STPG2: variants seen among roughly 807,000 people sequenced by gnomAD.
STPG2 encodes sperm-tail PG-rich repeat-containing protein 2.
In STPG2, 56 loss-of-function variants were observed where a neutral mutation model predicts 54.2. The observed-to-expected ratio is 1.03, with a 90% CI of 0.83 to 1.29. The LOEUF (loss-of-function observed/expected upper bound fraction) is 1.29. STPG2 is among the 50% of genes most tolerant of loss of function. STPG2 has a pLI of 0.00. For synonymous variants in STPG2, 200 were observed against 181.8 expected (o/e 1.10, Z -0.81); for missense variants, 596 against 544.9 (o/e 1.09, Z -0.93).
In STPG2 at chr4:97,686,935, A is replaced by AT. The variant is rs1222690039; in HGVS notation, c.1320+25763dup. 5.0e-3 allele frequency among the ~76,000 whole-genome samples: 743 copies of AT among 148,690 alleles called. 7 individuals carry two copies. Among genetic ancestry groups the AT allele is most frequent in the African/African-American group, 0.018 (723 of 40,222 alleles). ...TTTTATTTTACTAATTATTATTATTATTATTATTTTTTTTTTTGAGAGAGA... is the reference window on the plus strand; with the variant it reads ...TTTTATTTTACTAATTATTATTATTATTTATTATTTTTTTTTTTGAGAGAGA... On this transcript the variant is annotated intron_variant, in intron 10 of 10. Coordinates refer to ENST00000295268, the MANE Select transcript of STPG2 (RefSeq NM_174952.3).
At chr4:97,725,137 G>T (rs939076582) in intron 9 of STPG2, among the ~76,000 whole-genome samples, 1 of 152,052 alleles carries the variant, frequency 6.6e-6, no homozygotes, top group Non-Finnish European at 1.5e-5. Flanking sequence ...TATGATAGTG[G>T]GAAGGCAGTC....
intron 8 of STPG2, among the ~76,000 whole-genome samples, chr4:97,867,759 G>A (rs1321814529): frequency 1.3e-5 from 2 of 151,888 alleles, no homozygotes; most frequent in African/African-American, 2.4e-5. Flanking sequence ...CTTAACATGT[G>A]GTTGATTCTC....
chr4:97,889,506 A>C (rs1045798487), intron 8 of STPG2, among the ~76,000 whole-genome samples: 1 of 152,218 alleles, frequency 6.6e-6, no homozygotes, highest in Non-Finnish European at 1.5e-5. Context: ...AAACCCTTCT[A>C]TTCACAGAAA....
intron 10 of STPG2, among the ~76,000 whole-genome samples, chr4:97,642,494 G>A (rs893189565): frequency 6.6e-6 from 1 of 151,280 alleles, no homozygotes; most frequent in Admixed American, 6.6e-5. Context: ...TAACAAATCT[G>A]ATAGAAATAT....
At chr4:97,944,734 C>A (rs1385220585) in intron 7 of STPG2, among the ~76,000 whole-genome samples, 2 of 152,046 alleles carry the variant, frequency 1.3e-5, no homozygotes, top group Non-Finnish European at 2.9e-5. Flanking sequence ...CACATAGTAG[C>A]TAATAGACAT....
chr4:97,635,987 G>T (rs1296080347), intron 10 of STPG2, among the ~76,000 whole-genome samples: 2 of 152,002 alleles, frequency 1.3e-5, no homozygotes, highest in African/African-American at 4.8e-5. Flanking sequence ...TGCACCAAGT[G>T]GACCTAATAG....
At chr4:97,834,256 G>A (rs148589595) in intron 9 of STPG2, among the ~76,000 whole-genome samples, 2 of 152,042 alleles carry the variant, frequency 1.3e-5, no homozygotes, top group Admixed American at 6.6e-5. Flanking sequence ...ACTAACACAC[G>A]AACTGAAAAC....
chr4:97,904,156 A>C (rs993430893), intron 8 of STPG2, among the ~76,000 whole-genome samples: 28 of 152,214 alleles, frequency 1.8e-4, no homozygotes, highest in Admixed American at 3.3e-4. Context: ...AGGGCACAGA[A>C]AAACAAAAAG....
intron 4 of STPG2, among the ~76,000 whole-genome samples, chr4:97,455,497 G>A (rs1479276527): frequency 6.6e-6 from 1 of 152,128 alleles, no homozygotes; most frequent in Admixed American, 6.5e-5. Flanking sequence ...ACCAATGGAA[G>A]AACATGGAGT....
chr4:97,464,724 CATGTCACCATATAAT>C (rs1034352630), intron 4 of STPG2, among the ~76,000 whole-genome samples: 3 of 152,102 alleles, frequency 2.0e-5, no homozygotes, highest in Non-Finnish European at 4.4e-5. Context: ...TTGCCTGGTA[CATGTCACCATATAAT>C]AGTAGGGATA....
chr4:97,934,748 T>C (rs972492744), intron 8 of STPG2, among the ~76,000 whole-genome samples: 8 of 151,854 alleles, frequency 5.3e-5, no homozygotes, highest in Non-Finnish European at 8.8e-5. Flanking sequence ...ATGTGCTGGT[T>C]TTGGTTTGCC....
chr4:97,631,042 A>G (rs948803982), intron 10 of STPG2, among the ~76,000 whole-genome samples: 5 of 151,948 alleles, frequency 3.3e-5, no homozygotes, highest in Non-Finnish European at 1.5e-5. Flanking sequence ...TCTGAAAATG[A>G]TAACAAGACA....
At chr4:97,583,533 C>T (rs1732916066) in intron 10 of STPG2, among the ~76,000 whole-genome samples, 2 of 132,012 alleles carry the variant, frequency 1.5e-5, no homozygotes, top group Non-Finnish European at 3.2e-5. Context: ...AGTGTAATCA[C>T]TGCTTCTCAT....
At chr4:97,863,135 T>TA (rs1011949686) in intron 8 of STPG2, among the ~76,000 whole-genome samples, 10 of 151,978 alleles carry the variant, frequency 6.6e-5, no homozygotes, top group South Asian at 4.2e-4. Context: ...AAAAAACCCT[T>TA]AAAAAAATCA....
At chr4:97,688,459 C>A (rs770073035) in intron 10 of STPG2, among the ~76,000 whole-genome samples, 2 of 152,070 alleles carry the variant, frequency 1.3e-5, no homozygotes, top group Non-Finnish European at 2.9e-5. Flanking sequence ...CTCTGCCTCC[C>A]GGGTTCACAC....
At chr4:97,924,955 A>G (rs1732280159) in intron 8 of STPG2, among the ~76,000 whole-genome samples, 1 of 152,234 alleles carries the variant, frequency 6.6e-6, no homozygotes. Context: ...TTTATTTCTC[A>G]GAGATTATGT....
At chr4:97,454,544 A>C (rs1306995768) in intron 4 of STPG2, among the ~76,000 whole-genome samples, 1 of 121,684 alleles carries the variant, frequency 8.2e-6, no homozygotes, top group Non-Finnish European at 1.5e-5. Flanking sequence ...AAAAAAAAAA[A>C]AAAAAAAAAA....
Position 97,840,846 on chromosome 4 carries a change from T to G in STPG2, c.1131A>C (p.Leu377Phe). The G allele has an allele frequency of 1.9e-6, 3 of 1,612,228 alleles. No individual in the cohort carries two copies. The highest frequency in any genetic ancestry group is 2.5e-6 in the Non-Finnish European group (3 of 1,178,696). The change falls in exon 9 of 11, where the codon TTA becomes TTC. Residue 377 changes from leucine (L) to phenylalanine (F), a missense_variant. Transcript: ENST00000295268. The part of the protein sequence containing the change: ...VKHKYMPPRS[L>F]VAKRKHASFL... ...AAGAGGCATGTTTTCTTTTAGCCAC[T>G]AAACTACGAGGTGGCATATATTTAT...
chr4:97,688,038 T>G (rs544021149), intron 10 of STPG2, among the ~76,000 whole-genome samples: 1 of 152,276 alleles, frequency 6.6e-6, no homozygotes, highest in East Asian at 1.9e-4. Context: ...GTTTAACTTA[T>G]AACATTTATT....
Sources: gnomAD v4.1 joint callset for allele counts (sites outside exome capture counted in the v4.1 genomes callset) on GRCh38, gnomAD v4.1.1 for gene constraint, MANE v1.5 for transcripts, NCBI Gene and HGNC (gene_info 2026-07-23, HGNC 2026-07-21) for gene names.